DENND1A: variants seen among roughly 807,000 people sequenced by gnomAD.
DENND1A encodes the protein DENN domain-containing protein 1A.
Under a neutral mutation model 113.7 loss-of-function variants are expected in DENND1A, and 51 were observed. That is an observed-to-expected ratio of 0.45 (90% CI 0.36 to 0.57). The LOEUF is 0.57. Among genes scored for constraint, DENND1A ranks in the 20% least tolerant of loss-of-function variants. DENND1A has a pLI of 0.00. For missense variants in DENND1A, 1,258 were observed against 1,395.9 expected (o/e 0.90, Z 1.57); for synonymous variants, 565 against 570.8 (o/e 0.99, Z 0.14).
At chr9:123,577,165 T>C (rs755075576) in intron 12 of DENND1A, among the ~76,000 whole-genome samples, 7 of 152,220 alleles carry the variant, frequency 4.6e-5, no homozygotes, top group Non-Finnish European at 7.3e-5. Flanking sequence ...TGTTAACTTT[T>C]TCCAGTCTTT....
chr9:123,457,975 T>C (rs2048263396), intron 13 of DENND1A, 78 bp from the exon 14 acceptor site: 3 of 1,079,404 alleles, frequency 2.8e-6, no homozygotes, highest in Non-Finnish European at 4.0e-6. Context: ...ATTTGCAGAG[T>C]TTCTCCATCT....
At chr9:123,388,785 G>C (rs562863365) in intron 21 of DENND1A, among the ~76,000 whole-genome samples, 15 of 152,082 alleles carry the variant, frequency 9.9e-5, no homozygotes, top group Admixed American at 9.2e-4. Context: ...GGGCGAGCTG[G>C]ACCAGGCAGA....
chr9:123,891,984 T>C (rs1353650150), intron 1 of DENND1A, among the ~76,000 whole-genome samples: 2 of 152,150 alleles, frequency 1.3e-5, no homozygotes, highest in Non-Finnish European at 2.9e-5. Context: ...AGCAAACACC[T>C]GGAGCTGAGA....
chr9:123,825,116 AAAG>A (rs1564344764), intron 2 of DENND1A, among the ~76,000 whole-genome samples: 2 of 152,160 alleles, frequency 1.3e-5, no homozygotes, highest in African/African-American at 4.8e-5. Flanking sequence ...CCAAAACAAA[AAAG>A]AAGAGAGAGC....
Position 123,726,255 on chromosome 9 carries a change from C to T in DENND1A, c.302+31448G>A, listed in dbSNP as rs112390000. 2.5e-4 allele frequency among the ~76,000 whole-genome samples: 38 copies of T among 152,242 alleles called. 1 individual carries two copies. Among genetic ancestry groups the T allele is most frequent in the Admixed American group, 7.2e-4 (11 of 15,290 alleles). The stretch of plus-strand genomic sequence containing the variant: ...TCATTTTCAGAAGAAGTCATTTTTA[C>T]GAAGAAAAGCTCTCATTTGTAAAGG... On this transcript the variant is annotated intron_variant, in intron 5 of 23. Coordinates refer to ENST00000394215, the MANE Select transcript of DENND1A (RefSeq NM_001352964.2).
intron 20 of DENND1A, among the ~76,000 whole-genome samples, chr9:123,406,593 T>C (rs1449066644): frequency 6.6e-6 from 1 of 152,246 alleles, no homozygotes; most frequent in Non-Finnish European, 1.5e-5. Flanking sequence ...AAGTGCATAA[T>C]GACGCTGCGA....
chr9:123,483,678 GA>G (rs149973962), intron 13 of DENND1A, among the ~76,000 whole-genome samples: 2,734 of 152,356 alleles, frequency 0.018, 69 homozygotes, highest in African/African-American at 0.06. Flanking sequence ...TCTGCAGTGG[GA>G]CAGGCTGGGC....
At chr9:123,494,062 T>A (rs1161128218) in intron 13 of DENND1A, among the ~76,000 whole-genome samples, 1 of 152,184 alleles carries the variant, frequency 6.6e-6, no homozygotes, top group Non-Finnish European at 1.5e-5. Context: ...CCTAGAAGAA[T>A]GGCACATTCC....
chr9:123,909,771 C>A (rs1853628360), intron 1 of DENND1A, among the ~76,000 whole-genome samples: 1 of 152,050 alleles, frequency 6.6e-6, no homozygotes, highest in Non-Finnish European at 1.5e-5. Context: ...GAAAACCTGA[C>A]TGTATACATA....
At chr9:123,461,600 G>A (rs2048529947) in intron 13 of DENND1A, among the ~76,000 whole-genome samples, 1 of 152,188 alleles carries the variant, frequency 6.6e-6, no homozygotes, top group Non-Finnish European at 1.5e-5. Flanking sequence ...GTCTGCTGAG[G>A]GCCCGATACA....
At chr9:123,728,264 G>A (rs1006037744) in intron 5 of DENND1A, among the ~76,000 whole-genome samples, 1 of 151,782 alleles carries the variant, frequency 6.6e-6, no homozygotes, top group African/African-American at 2.4e-5. Context: ...GACAACCTGA[G>A]GTCAGGAGTG....
intron 5 of DENND1A, among the ~76,000 whole-genome samples, chr9:123,745,625 A>G (rs2069428891): frequency 6.6e-6 from 1 of 152,152 alleles, no homozygotes; most frequent in Non-Finnish European, 1.5e-5. Flanking sequence ...CAACTATTCA[A>G]CTCCTTAGGT....
intron 13 of DENND1A, among the ~76,000 whole-genome samples, chr9:123,472,296 C>T (rs899610683): frequency 2.0e-5 from 3 of 152,096 alleles, no homozygotes; most frequent in Non-Finnish European, 4.4e-5. Context: ...AACCAAGGAC[C>T]AGGAAGAAGC....
rs7853738 is a variant in DENND1A at position 123,665,830 on chromosome 9, C to T, written c.507+1196G>A. 6.7e-3 allele frequency among the ~76,000 whole-genome samples: 1,022 copies of T among 152,236 alleles called. 15 individuals are homozygous for T. The highest frequency in any genetic ancestry group is 0.024 in the African/African-American group (982 of 41,548). On this transcript the variant is annotated intron_variant, in intron 8 of 23. Transcript: ENST00000394215. Reference sequence around the variant, plus strand: ...GCATCTATCACTGGATGAACAGATACGCAAAATGTGGTCTACACCTACAAT... The same window carrying T: ...GCATCTATCACTGGATGAACAGATATGCAAAATGTGGTCTACACCTACAAT...
chr9:123,440,125 A>G (rs1222050627), intron 19 of DENND1A: 3 of 434,800 alleles, frequency 6.9e-6, no homozygotes, highest in South Asian at 2.5e-5. Flanking sequence ...TAATGACTTC[A>G]TTCAACAGTC....
chr9:123,397,050 T>C (rs1245044390), intron 21 of DENND1A, among the ~76,000 whole-genome samples: 4 of 152,222 alleles, frequency 2.6e-5, no homozygotes, highest in African/African-American at 7.2e-5. Context: ...TTCTATAAAA[T>C]AGATCTCATA....
In DENND1A at chr9:123,480,945, C is replaced by T. The variant is rs1295902340; in HGVS notation, c.994-23048G>A. On this transcript the variant is annotated intron_variant, in intron 13 of 23. Coordinates refer to ENST00000394215, the MANE Select transcript of DENND1A (RefSeq NM_001352964.2). ...ATTCTTCCTGAAGCAGACGGCGTCACAGCAAGGCTGCAATTATAGACATGC... is the reference window on the plus strand; with the variant it reads ...ATTCTTCCTGAAGCAGACGGCGTCATAGCAAGGCTGCAATTATAGACATGC... Among the ~76,000 whole-genome samples, 6 of 152,348 alleles carry T rather than the reference C, an allele frequency of 3.9e-5. 1 individual carries two copies. The highest frequency in any genetic ancestry group is 3.9e-4 in the Admixed American group (6 of 15,308).
chr9:123,633,352 G>A (rs2061563544), intron 9 of DENND1A, among the ~76,000 whole-genome samples: 2 of 152,114 alleles, frequency 1.3e-5, no homozygotes, highest in African/African-American at 4.8e-5. Context: ...AATGGGATGT[G>A]TCCTGAATAA....
intron 1 of DENND1A, among the ~76,000 whole-genome samples, chr9:123,903,703 C>T (rs1344752020): frequency 1.3e-5 from 2 of 152,250 alleles, no homozygotes; most frequent in African/African-American, 2.4e-5. Flanking sequence ...ATATCCCGCA[C>T]CTGGCTCAGA....
Sources: gnomAD v4.1 joint callset for allele counts (sites outside exome capture counted in the v4.1 genomes callset) on GRCh38, gnomAD v4.1.1 for gene constraint, MANE v1.5 for transcripts, NCBI Gene and HGNC (gene_info 2026-07-23, HGNC 2026-07-21) for gene names.